The following GPC5 variants were observed in gnomAD, a reference collection of about 807,000 sequenced individuals.
The protein encoded by GPC5 is glypican 5.
Under a neutral mutation model 53.9 loss-of-function variants are expected in GPC5, and 47 were observed. The ratio of observed to expected loss-of-function variants is 0.87; its 90% CI spans 0.69 to 1.11. The LOEUF is 1.11. Ranked by LOEUF, GPC5 falls within the 50% of genes most tolerant of loss-of-function variation. GPC5 has a pLI of 0.00. For missense variants in GPC5, 748 were observed against 713.1 expected, an observed-to-expected ratio of 1.05 and a Z score of -0.56; for synonymous variants, 286 against 263.3, an observed-to-expected ratio of 1.09 and a Z score of -0.84.
At chr13:91,535,118 A>G (rs191053568) in intron 2 of GPC5, among the ~76,000 whole-genome samples, 90 of 152,170 alleles carry the variant, frequency 5.9e-4, no homozygotes, top group African/African-American at 2.0e-3. Context: ...CGTGTATCAC[A>G]TTCTCTCATA....
intron 7 of GPC5, among the ~76,000 whole-genome samples, chr13:92,505,084 C>G (rs1362326432): frequency 6.6e-6 from 1 of 151,636 alleles, no homozygotes; most frequent in South Asian, 2.1e-4. Context: ...CCTAAAGTTA[C>G]AGTTCACATT....
At chr13:92,421,619 A>G (rs902296465) in intron 7 of GPC5, among the ~76,000 whole-genome samples, 11 of 146,008 alleles carry the variant, frequency 7.5e-5, no homozygotes, top group Admixed American at 1.4e-4. Flanking sequence ...GAATGGCGTG[A>G]ACCCTGGAGG....
intron 6 of GPC5, among the ~76,000 whole-genome samples, chr13:92,064,031 A>G (rs2138856528): frequency 6.6e-6 from 1 of 152,328 alleles, no homozygotes; most frequent in Admixed American, 6.5e-5. Context: ...TTAAACCAGA[A>G]GAAGCATGCT....
intron 7 of GPC5, among the ~76,000 whole-genome samples, chr13:92,556,047 A>G (rs986987378): frequency 2.6e-5 from 4 of 151,732 alleles, no homozygotes; most frequent in African/African-American, 7.2e-5. Flanking sequence ...TCATGAGTAG[A>G]TATTTTTATA....
chr13:92,364,519 A>G lies in GPC5; in HGVS notation c.1561+219530A>G, dbSNP rs564856768. 1.6e-3 allele frequency among the ~76,000 whole-genome samples: 240 copies of G among 151,794 alleles called. 10 individuals carry two copies. The highest frequency in any genetic ancestry group is 5.5e-3 in the African/African-American group (228 of 41,112). On this transcript the variant is annotated intron_variant, in intron 7 of 7. Coordinates refer to ENST00000377067, the MANE Select transcript of GPC5 (RefSeq NM_004466.6). Reference sequence around the variant, plus strand: ...GCCAAGGCGGGTGGATCACGAGGTCAGGAGATAGAGACCATCCTGGCTAAC... The same window carrying G: ...GCCAAGGCGGGTGGATCACGAGGTCGGGAGATAGAGACCATCCTGGCTAAC...
intron 7 of GPC5, among the ~76,000 whole-genome samples, chr13:92,838,250 C>A (rs1022713052): frequency 6.6e-6 from 1 of 151,782 alleles, no homozygotes; most frequent in African/African-American, 2.4e-5. Flanking sequence ...TTTGGGAGGC[C>A]GCGGAGGGCG....
At chr13:92,803,381 A>G (rs745517406) in intron 7 of GPC5, among the ~76,000 whole-genome samples, 1 of 151,920 alleles carries the variant, frequency 6.6e-6, no homozygotes, top group Non-Finnish European at 1.5e-5. Flanking sequence ...TTCTTGCCTC[A>G]AGATATCAGA....
intron 5 of GPC5, among the ~76,000 whole-genome samples, chr13:91,840,444 T>G (rs2038772728): frequency 1.3e-5 from 2 of 152,110 alleles, no homozygotes; most frequent in South Asian, 4.1e-4. Context: ...TGGTTATAAA[T>G]CCTGGGAAAA....
chr13:92,397,895 T>A (rs1322790355), intron 7 of GPC5, among the ~76,000 whole-genome samples: 4 of 152,148 alleles, frequency 2.6e-5, no homozygotes, highest in Non-Finnish European at 5.9e-5. Context: ...TAAGGTACCA[T>A]AATAGGTACT....
At chr13:91,498,088 A>T (rs1343218163) in intron 2 of GPC5, among the ~76,000 whole-genome samples, 3 of 149,086 alleles carry the variant, frequency 2.0e-5, no homozygotes, top group Admixed American at 6.7e-5. Flanking sequence ...TTAATCTTAG[A>T]TTTTTTTTTT....
Position 92,526,395 on chromosome 13 carries a change from C to T in GPC5, c.1562-339887C>T, listed in dbSNP as rs964138555. Among the ~76,000 whole-genome samples, 47 of 152,166 alleles carry T rather than the reference C, an allele frequency of 3.1e-4. 1 individual carries two copies. The highest frequency in any genetic ancestry group is 4.1e-4 in the Non-Finnish European group (28 of 67,970). ...CCATAGATAGTGTCATGACCCCCAACTCCAAAAGGAATTTTGACATATTTG... is the reference window on the plus strand; with the variant it reads ...CCATAGATAGTGTCATGACCCCCAATTCCAAAAGGAATTTTGACATATTTG... On this transcript the variant is annotated intron_variant, in intron 7 of 7. Transcript: ENST00000377067.
intron 6 of GPC5, among the ~76,000 whole-genome samples, chr13:92,004,127 G>A (rs1404701713): frequency 2.0e-5 from 3 of 151,956 alleles, no homozygotes; most frequent in Non-Finnish European, 4.4e-5. Context: ...TTTTCCCAAA[G>A]TGTTTATTCT....
intron 4 of GPC5, among the ~76,000 whole-genome samples, chr13:91,731,359 A>G (rs559493308): frequency 3.9e-5 from 6 of 152,262 alleles, no homozygotes; most frequent in African/African-American, 1.4e-4. Flanking sequence ...AGGAATCATC[A>G]CCACTGTGTT....
chr13:91,885,341 A>C (rs182020266), intron 5 of GPC5, among the ~76,000 whole-genome samples: 4 of 152,198 alleles, frequency 2.6e-5, no homozygotes, highest in Non-Finnish European at 5.9e-5. Flanking sequence ...TAAGCCTAAC[A>C]TTTTAGTTTT....
At chr13:92,755,638 T>C (rs1225032873) in intron 7 of GPC5, among the ~76,000 whole-genome samples, 1 of 141,276 alleles carries the variant, frequency 7.1e-6, no homozygotes. Flanking sequence ...TAAAAAATGA[T>C]AAAGGGGATA....
At chr13:92,516,831 G>T (rs1471673417) in intron 7 of GPC5, among the ~76,000 whole-genome samples, 1 of 152,110 alleles carries the variant, frequency 6.6e-6, no homozygotes, top group East Asian at 1.9e-4. Context: ...GACAGTGGGG[G>T]CAGGACAGTG....
intron 5 of GPC5, among the ~76,000 whole-genome samples, chr13:91,774,137 C>G (rs2138703028): frequency 6.6e-6 from 1 of 152,226 alleles, no homozygotes; most frequent in Admixed American, 6.5e-5. Flanking sequence ...TCAAAATAAA[C>G]TGAAGAGCAA....
chr13:92,168,753 C>A (rs2042048817), intron 7 of GPC5, among the ~76,000 whole-genome samples: 1 of 152,144 alleles, frequency 6.6e-6, no homozygotes. Flanking sequence ...ATTAGTTCAA[C>A]CATTGTGGAA....
intron 7 of GPC5, among the ~76,000 whole-genome samples, chr13:92,432,700 G>A (rs566811920): frequency 6.6e-6 from 1 of 151,972 alleles, no homozygotes; most frequent in African/African-American, 2.4e-5. Flanking sequence ...TTTAGCTTCA[G>A]CAACCTAGTG....
Sources: gnomAD v4.1 joint callset for allele counts (sites outside exome capture counted in the v4.1 genomes callset) on GRCh38, gnomAD v4.1.1 for gene constraint, MANE v1.5 for transcripts, NCBI Gene and HGNC (gene_info 2026-07-23, HGNC 2026-07-21) for gene names.